AGAP6: variants seen among roughly 807,000 people sequenced by gnomAD.
AGAP6 encodes the protein arf-GAP with GTPase, ANK repeat and PH domain-containing protein 6.
AGAP6 carries 29 observed loss-of-function variants against 63.9 expected under a neutral mutation model. That is an observed-to-expected ratio of 0.45 (90% CI 0.34 to 0.62). The LOEUF (loss-of-function observed/expected upper bound fraction) is 0.62. Ranked by LOEUF, AGAP6 falls within the 20% of genes least tolerant of loss-of-function variation. The pLI is 0.01. For synonymous variants in AGAP6, 199 were observed against 332.9 expected (o/e 0.60, Z 4.38); for missense variants, 493 against 884.9 (o/e 0.56, Z 5.62).
At chr10:49,996,615 G>A (rs1422093887) in intron 4 of AGAP6, among the ~76,000 whole-genome samples, 10 of 150,916 alleles carry the variant, frequency 6.6e-5, no homozygotes, top group Admixed American at 2.0e-4. Flanking sequence ...TTTAAGCCAT[G>A]GTATCTCTGA....
intron 3 of AGAP6, among the ~76,000 whole-genome samples, chr10:49,992,104 A>G (rs1554861158): frequency 1.3e-5 from 2 of 151,332 alleles, no homozygotes; most frequent in Admixed American, 6.6e-5. Flanking sequence ...TTAAAGATGA[A>G]TGATAGAACT....
rs781927015 is a variant in AGAP6, at chr10:50,009,318, A to G, written c.1193A>G (p.Asn398Ser). Residue 398 changes from asparagine (N) to serine (S), a missense_variant, in exon 8 of 8, where the codon AAT (asparagine) becomes AGT (serine). Coordinates refer to ENST00000412531, the MANE Select transcript of AGAP6 (RefSeq NM_001077665.3). ...KLNPPPSPHANKKKHLKKKST... is the reference protein window; with the variant it reads ...KLNPPPSPHASKKKHLKKKST... ...AACCCGCCCCCCTCTCCTCATGCTA[A>G]TAAAAAGAAACACCTAAAGAAGAAA... 2.5e-6 allele frequency: 4 copies of G among 1,614,192 alleles called. No homozygotes were observed. The highest frequency in any genetic ancestry group is 3.4e-6 in the Non-Finnish European group (4 of 1,180,044).
intron 4 of AGAP6, among the ~76,000 whole-genome samples, chr10:49,997,566 G>T (rs1554862205): frequency 6.6e-6 from 1 of 151,966 alleles, no homozygotes; most frequent in African/African-American, 2.4e-5. Flanking sequence ...AAAGGAGAGT[G>T]AAAAATATGA....
intron 3 of AGAP6, among the ~76,000 whole-genome samples, chr10:49,993,819 CAAAA>C (rs527964744): frequency 2.9e-5 from 3 of 103,646 alleles, no homozygotes; most frequent in African/African-American, 1.1e-4. Context: ...GACTCCATCT[CAAAA>C]AAAAAAAAAA....
At chr10:49,995,333 G>A (rs1841443603) in intron 4 of AGAP6, among the ~76,000 whole-genome samples, 1 of 152,142 alleles carries the variant, frequency 6.6e-6, no homozygotes. Flanking sequence ...GCCTACGTTA[G>A]TTTATCTATC....
intron 5 of AGAP6, among the ~76,000 whole-genome samples, chr10:50,004,208 T>C (rs76428937): frequency 0.18 from 25,290 of 140,196 alleles, 2,783 homozygotes; most frequent in Admixed American, 0.34. Flanking sequence ...AAAAAAAAAT[T>C]ATCTGAGCAT....
At chr10:49,992,944 T>C (rs1319347627) in intron 3 of AGAP6, among the ~76,000 whole-genome samples, 2 of 151,876 alleles carry the variant, frequency 1.3e-5, no homozygotes, top group African/African-American at 4.9e-5. Flanking sequence ...GTATTTTTGG[T>C]AGAGACAGGG....
chr10:49,995,342 T>C (rs1460160134), intron 4 of AGAP6, among the ~76,000 whole-genome samples: 1 of 152,214 alleles, frequency 6.6e-6, no homozygotes, highest in Non-Finnish European at 1.5e-5. Flanking sequence ...AGTTTATCTA[T>C]CCAAATATTG....
In AGAP6 at chr10:50,009,271, C is replaced by T. The variant is rs782477493; in HGVS notation, c.1146C>T (p.Ser382=). The part of the protein sequence containing the change: ...GDSICFSPSI[S]STTSPKLNPP... Reference sequence around the variant, plus strand: ...CCATATGCTTCAGCCCCAGTATCTCCAGCACCACCAGCCCCAAGCTCAACC... The same window carrying T: ...CCATATGCTTCAGCCCCAGTATCTCTAGCACCACCAGCCCCAAGCTCAACC... The change falls in exon 8 of 8, where the codon TCC becomes TCT. Residue 382 remains serine (S), a synonymous_variant. Coordinates refer to ENST00000412531, the MANE Select transcript of AGAP6 (RefSeq NM_001077665.3). The T allele has an allele frequency of 4.3e-6, 7 of 1,614,092 alleles. No homozygotes were observed. The highest frequency in any genetic ancestry group is 1.6e-4 in the Middle Eastern group (1 of 6,082).
chr10:50,009,781 A>C lies in AGAP6; in HGVS notation c.1656A>C (p.Thr552=). 1 of 1,613,966 alleles carries C rather than the reference A, an allele frequency of 6.2e-7. No homozygotes were observed. The highest frequency in any genetic ancestry group is 8.5e-7 in the Non-Finnish European group (1 of 1,179,948). The change falls in exon 8 of 8, where the codon ACA becomes ACC. Residue 552 remains threonine (T), a synonymous_variant. Coordinates refer to ENST00000412531, the MANE Select transcript of AGAP6 (RefSeq NM_001077665.3). The stretch of plus-strand genomic sequence containing the variant: ...GGGAAGGGAGCAGCCAGGGGCAGAC[A>C]AAACCCTCAGAAAAGTCCACGAGGG... ...SIWEGSSQGQ[T]KPSEKSTREE...
At chr10:49,989,156 C>T (rs1554860264) in intron 1 of AGAP6, among the ~76,000 whole-genome samples, 152 bp from the exon 2 acceptor site, 2 of 151,606 alleles carry the variant, frequency 1.3e-5, no homozygotes, top group Non-Finnish European at 2.9e-5. Context: ...CCCTCCCAAT[C>T]GCCCAGTTCT....
chr10:49,991,025 G>T (rs1193713339), intron 2 of AGAP6, among the ~76,000 whole-genome samples: 3 of 152,106 alleles, frequency 2.0e-5, no homozygotes, highest in East Asian at 3.9e-4. Context: ...CCCAAAAATG[G>T]CTCTTTATTG....
chr10:49,997,881 A>G (rs1292050420), intron 4 of AGAP6, among the ~76,000 whole-genome samples: 1 of 143,196 alleles, frequency 7.0e-6, no homozygotes, highest in Non-Finnish European at 1.5e-5. Context: ...AGAACATGAT[A>G]TTTGGTTTTC....
chr10:49,993,819 CAAAAA>C (rs527964744), intron 3 of AGAP6, among the ~76,000 whole-genome samples: 1 of 103,650 alleles, frequency 9.6e-6, no homozygotes. Flanking sequence ...GACTCCATCT[CAAAAA>C]AAAAAAAAAA....
At position 49,989,291 on chromosome 10, in the gene AGAP6, TC is replaced by T. The variant is rs1841169691; in HGVS notation, c.224-14del. The stretch of plus-strand genomic sequence containing the variant: ...AAATGATTACATCCTTTTTCTTTTC[TC>T]CCTCTATACATATAGCTTTGGAGTT... On this transcript the variant is annotated splice_polypyrimidine_tract_variant and intron_variant, in intron 1 of 7. Transcript: ENST00000412531. 1 of 1,596,094 alleles carries T rather than the reference TC, an allele frequency of 6.3e-7. No homozygotes were observed. The highest frequency in any genetic ancestry group is 8.5e-7 in the Non-Finnish European group (1 of 1,179,576).
chr10:49,996,519 T>G (rs546286802), intron 4 of AGAP6, among the ~76,000 whole-genome samples: 12 of 151,748 alleles, frequency 7.9e-5, no homozygotes, highest in African/African-American at 1.5e-4. Context: ...GCCTGGAAAG[T>G]AAAAGCAGGC....
At chr10:49,990,549 C>T (rs1276517347) in intron 2 of AGAP6, among the ~76,000 whole-genome samples, 1 of 152,174 alleles carries the variant, frequency 6.6e-6, no homozygotes, top group Non-Finnish European at 1.5e-5. Context: ...AGTTCGTTTG[C>T]CTCAAAAATT....
intron 4 of AGAP6, among the ~76,000 whole-genome samples, chr10:49,996,949 C>G (rs1347785716): frequency 1.4e-5 from 2 of 146,216 alleles, no homozygotes; most frequent in Non-Finnish European, 3.0e-5. Flanking sequence ...CTCTGTCAAC[C>G]TTCTGTGCTG....
At chr10:49,990,320 CTG>C (rs1841219734) in intron 2 of AGAP6, among the ~76,000 whole-genome samples, 1 of 152,126 alleles carries the variant, frequency 6.6e-6, no homozygotes, top group Admixed American at 6.5e-5. Flanking sequence ...TGGCGCATGA[CTG>C]TAGTTCCAGC....
Sources: gnomAD v4.1 joint callset for allele counts (sites outside exome capture counted in the v4.1 genomes callset) on GRCh38, gnomAD v4.1.1 for gene constraint, MANE v1.5 for transcripts, NCBI Gene and HGNC (gene_info 2026-07-23, HGNC 2026-07-21) for gene names.